Variants in ARHGAP11A observed in about 807,000 individuals in gnomAD.
ARHGAP11A encodes the protein Rho GTPase activating protein 11A.
A neutral mutation model predicts 60.5 loss-of-function variants in ARHGAP11A; 36 were observed. That is an observed-to-expected ratio of 0.59 (90% CI 0.46 to 0.79). ARHGAP11A has a LOEUF of 0.79. Among genes scored for constraint, ARHGAP11A ranks in the 30% least tolerant of loss-of-function variants. The pLI is 0.00. For missense variants in ARHGAP11A, 1,071 were observed against 1,199.2 expected (o/e 0.89, Z 1.58); for synonymous variants, 362 against 415.5 (o/e 0.87, Z 1.57).
chr15:32,620,354 G>T (rs1470032602), intron 2 of ARHGAP11A, among the ~76,000 whole-genome samples, 176 bp downstream of exon 2: 2 of 152,206 alleles, frequency 1.3e-5, no homozygotes, highest in Non-Finnish European at 2.9e-5. Context: ...GAGCACACTT[G>T]TAGTCCCAGC....
intron 2 of ARHGAP11A, among the ~76,000 whole-genome samples, chr15:32,622,058 C>T (rs376538167): frequency 2.0e-3 from 310 of 152,266 alleles, no homozygotes; most frequent in Non-Finnish European, 3.3e-3. Flanking sequence ...CTTAGGTAAC[C>T]GCTTAACCAT....
Position 32,637,998 on chromosome 15 carries a change from A to T in ARHGAP11A, c.*153A>T. On this transcript the variant is annotated 3_prime_UTR_variant, in exon 12 of 12. Transcript: ENST00000361627. Reference sequence around the variant, plus strand: ...TTTCATTTTTTTCACTGTACAAGCAACTTAGATTTTTATTTGTACAAATTA... The same window carrying T: ...TTTCATTTTTTTCACTGTACAAGCATCTTAGATTTTTATTTGTACAAATTA... The T allele has an allele frequency of 1.5e-6, 1 of 671,418 alleles. No homozygotes were observed. Among genetic ancestry groups the T allele is most frequent in the South Asian group, 2.6e-5 (1 of 39,178 alleles). 41.6% of individuals were successfully genotyped at this position (671,418 alleles called of 1,614,324 possible). A position where few individuals can be genotyped will look rare whatever the true frequency, so the allele number is the denominator to read the frequency against.
Position 32,629,680 on chromosome 15 carries a change from G to A in ARHGAP11A, c.1023G>A (p.Lys341=), listed in dbSNP as rs148299252. 561 of 1,613,702 alleles carry A rather than the reference G, an allele frequency of 3.5e-4. No homozygotes were observed. Among genetic ancestry groups the A allele is most frequent in the Non-Finnish European group, 4.3e-4 (510 of 1,179,800 alleles). Residue 341 remains lysine (K), a synonymous_variant, in exon 8 of 12, where the codon AAG becomes AAA. Coordinates refer to ENST00000361627, the MANE Select transcript of ARHGAP11A (RefSeq NM_014783.6). ...ATTCTTCTCATGGTTTCTCAAGTAAGAAAAGGAAGTCCATCAAGCACAATT... is the reference window on the plus strand; with the variant it reads ...ATTCTTCTCATGGTTTCTCAAGTAAAAAAAGGAAGTCCATCAAGCACAATT... ...PVDSSHGFSS[K]KRKSIKHNFN...
rs1004916093 is a variant in ARHGAP11A at position 32,639,896 on chromosome 15, GGTT to G, written c.*2052_*2054del. ...TGTCTGGACGTGCAGTAACCTCATG[GGTT>G]CTTCTCACTGTCTTATAAATGTAAA... On this transcript the variant is annotated 3_prime_UTR_variant, in exon 12 of 12. Transcript: ENST00000361627. The G allele has an allele frequency of 3.9e-5, 6 of 152,162 alleles. No homozygotes were observed. Among genetic ancestry groups the G allele is most frequent in the African/African-American group, 9.6e-5 (4 of 41,528 alleles). The allele number at this position is 152,162 out of a possible 1,614,324, so 9.4% of individuals were successfully genotyped here.
intron 2 of ARHGAP11A, among the ~76,000 whole-genome samples, chr15:32,621,377 A>G (rs974335673): frequency 6.6e-6 from 1 of 151,642 alleles, no homozygotes; most frequent in South Asian, 2.1e-4. Context: ...TTTAGTAGAG[A>G]TGGGGTTTCA....
At position 32,636,409 on chromosome 15, in the gene ARHGAP11A, G is replaced by T. The variant is rs746595137; in HGVS notation, c.1636G>T (p.Val546Leu). The stretch of plus-strand genomic sequence containing the variant: ...TTCTTCAATGGTGGAAAATCTTGAG[G>T]TAGAAAACTCTTTGGAGCCTGATAT... ...EASSMVENLE[V>L]ENSLEPDIMV... Residue 546 changes from valine (V) to leucine (L), a missense_variant, in exon 12 of 12, where the codon GTA becomes TTA. Transcript: ENST00000361627. 2.0e-5 allele frequency: 33 copies of T among 1,613,940 alleles called. No individual in the cohort carries two copies. The African/African-American group carries it at 3.7e-4, about 18-fold the overall frequency.
rs769446876 is a variant in ARHGAP11A at position 32,635,850 on chromosome 15, G to A, written c.1418G>A (p.Arg473Gln). The change falls in exon 11 of 12, where the codon CGA becomes CAA. Residue 473 changes from arginine to glutamine, a missense_variant. Physicochemically the swap from Arg to Gln is conservative, Grantham distance 43. Around this residue, in one of 4 missense-constraint regions of ARHGAP11A, gnomAD observed 776 missense variants for 760.2 expected, o/e 1.02. Transcript: ENST00000361627. The part of the protein sequence containing the change: ...RLANQQSLKN[R>Q]IESVKTGLLF... ...GCAAATCAACAAAGTTTAAAAAATCGAATTGAATCTGTAAAAACAGGTTTG... is the reference window on the plus strand; with the variant it reads ...GCAAATCAACAAAGTTTAAAAAATCAAATTGAATCTGTAAAAACAGGTTTG... 7 of 1,610,362 alleles carry A rather than the reference G, an allele frequency of 4.3e-6. No individual in the cohort carries two copies. Among genetic ancestry groups the A allele is most frequent in the South Asian group, 2.2e-5 (2 of 90,402 alleles).
chr15:32,626,890 A>C (rs910182788), intron 6 of ARHGAP11A, among the ~76,000 whole-genome samples: 3 of 152,154 alleles, frequency 2.0e-5, no homozygotes, highest in Non-Finnish European at 4.4e-5. Context: ...GGCCCACCCA[A>C]ATGACCTCAT....
Position 32,637,754 on chromosome 15 carries a change from CAGAA to C in ARHGAP11A, c.2985_2988del (p.Arg996GlufsTer25). The C allele has an allele frequency of 6.2e-7, 1 of 1,614,058 alleles. No homozygotes were observed. The highest frequency in any genetic ancestry group is 8.5e-7 in the Non-Finnish European group (1 of 1,179,992). On this transcript the variant is annotated frameshift_variant, in exon 12 of 12. Coordinates refer to ENST00000361627, the MANE Select transcript of ARHGAP11A (RefSeq NM_014783.6). LOFTEE classifies it high-confidence loss of function. Reference sequence around the variant, plus strand: ...AATAACAGGGTCCTTAGGAGACCATCAGAAAGAGGAAGGGCCTGGTACAAAGGTT... The same window carrying C: ...AATAACAGGGTCCTTAGGAGACCATCAGAGGAAGGGCCTGGTACAAAGGTT...
rs2053430701 is a variant in ARHGAP11A, at chr15:32,625,226, A to G, written c.698A>G (p.Asp233Gly). ...GCTGCAGTAGTACAGACTCTTATCG[A>G]TTATGCATCAGATATTGGTAAGATG... is the stretch of plus-strand genomic sequence containing the variant. ...LQAAVVQTLI[D>G]YASDIGRVPD... is the part of the protein sequence containing the mutation. The change falls in exon 5 of 12, where the codon GAT becomes GGT. Residue 233 changes from aspartate to glycine, a missense_variant. Physicochemically the swap from Asp to Gly is moderately conservative, Grantham distance 94. Coordinates refer to ENST00000361627, the MANE Select transcript of ARHGAP11A (RefSeq NM_014783.6). 1.2e-5 allele frequency: 19 copies of G among 1,609,666 alleles called. No homozygotes were observed. The highest frequency in any genetic ancestry group is 1.6e-5 in the Non-Finnish European group (19 of 1,178,372).
chr15:32,637,079 G>T lies in ARHGAP11A; in HGVS notation c.2306G>T (p.Cys769Phe). The change falls in exon 12 of 12, where the codon TGT becomes TTT. Residue 769 changes from cysteine to phenylalanine, a missense_variant. By Grantham distance (205) the Cys-to-Phe change is radical. Coordinates refer to ENST00000361627, the MANE Select transcript of ARHGAP11A (RefSeq NM_014783.6). ...TCCTCTTTCTCACAGCAGAGTACATGTGTTGTAACAAACTTGTCAAAACCT... is the reference window on the plus strand; with the variant it reads ...TCCTCTTTCTCACAGCAGAGTACATTTGTTGTAACAAACTTGTCAAAACCT... ...ARSSFSQQST[C>F]VVTNLSKPRP... The T allele has an allele frequency of 3.1e-6, 5 of 1,613,998 alleles. No homozygotes were observed. The highest frequency in any genetic ancestry group is 3.4e-6 in the Non-Finnish European group (4 of 1,180,032).
intron 6 of ARHGAP11A, among the ~76,000 whole-genome samples, chr15:32,627,503 G>A (rs1442373771): frequency 2.0e-5 from 3 of 152,008 alleles, no homozygotes; most frequent in Non-Finnish European, 4.4e-5. Flanking sequence ...GCCAAGGTGG[G>A]CGGATCATGA....
At chr15:32,633,296 C>T (rs2140471440) in intron 9 of ARHGAP11A, among the ~76,000 whole-genome samples, 188 bp downstream of exon 9, 1 of 152,252 alleles carries the variant, frequency 6.6e-6, no homozygotes, top group East Asian at 1.9e-4. Context: ...TAATTTGAGT[C>T]CGCTTTGCTT....
At chr15:32,618,038 T>C (rs1278308501) in intron 1 of ARHGAP11A, among the ~76,000 whole-genome samples, 1 of 152,224 alleles carries the variant, frequency 6.6e-6, no homozygotes, top group Non-Finnish European at 1.5e-5. Context: ...ATCATTGGTC[T>C]GCCTCCTAAT....
chr15:32,635,230 TC>T (rs1386670856), intron 10 of ARHGAP11A, among the ~76,000 whole-genome samples: 1 of 152,200 alleles, frequency 6.6e-6, no homozygotes, highest in Admixed American at 6.5e-5. Flanking sequence ...CCCCCTTAAA[TC>T]TTCATGGCTC....
At position 32,620,261 on chromosome 15, in the gene ARHGAP11A, A is replaced by T. The variant is rs927875446; in HGVS notation, c.200+83A>T. 3.7e-6 allele frequency: 6 copies of T among 1,609,264 alleles called. No homozygotes were observed. In the Admixed American group the frequency reaches 5.1e-5, roughly 14 times the overall value. ...GCATTTTGAGAGGCCGAGGTGGGCA[A>T]ATCACTTGAGTCCAGGAGCTTAAGA... On this transcript the variant is annotated intron_variant, in intron 2 of 11. Transcript: ENST00000361627.
At position 32,616,200 on chromosome 15, in the gene ARHGAP11A, G is replaced by C. The variant is rs986475136; in HGVS notation, c.-12G>C. ...CTGCATCCTGCCTCAGAGAGTTATC[G>C]ACGTATCCGGAATGTGGGATCAGAG... On this transcript the variant is annotated 5_prime_UTR_variant, in exon 1 of 12. Transcript: ENST00000361627. The C allele has an allele frequency of 1.9e-6, 3 of 1,614,040 alleles. No homozygotes were observed. The East Asian group carries it at 6.7e-5, about 36-fold the overall frequency.
rs1245238040 is a variant in ARHGAP11A at position 32,637,603 on chromosome 15, TCTACTACAGTTTATAAACAGA to T, written c.2831_2851del (p.Ser944_Lys951delinsTer). ...AGATTCAGTGAATGCTTCTCTTAGGTCTACTACAGTTTATAAACAGAAGATCTTATCTGATGGCCAAGTTAA... is the reference window on the plus strand; with the variant it reads ...AGATTCAGTGAATGCTTCTCTTAGGTAGATCTTATCTGATGGCCAAGTTAA... On this transcript the variant is annotated stop_gained and inframe_deletion, in exon 12 of 12. Coordinates refer to ENST00000361627, the MANE Select transcript of ARHGAP11A (RefSeq NM_014783.6). LOFTEE classifies it high-confidence loss of function. 1 of 1,614,058 alleles carries T rather than the reference TCTACTACAGTTTATAAACAGA, an allele frequency of 6.2e-7. No homozygotes were observed. Among genetic ancestry groups the T allele is most frequent in the Non-Finnish European group, 8.5e-7 (1 of 1,180,036 alleles).
chr15:32,618,575 G>C (rs915889786), intron 1 of ARHGAP11A, among the ~76,000 whole-genome samples: 1 of 152,144 alleles, frequency 6.6e-6, no homozygotes. Flanking sequence ...TCTGTGTGAG[G>C]ATACCGAGGA....
Sources: gnomAD v4.1 joint callset for allele counts (sites outside exome capture counted in the v4.1 genomes callset) on GRCh38, gnomAD v4.1.1 for gene constraint, gnomAD v4.1.1 regional missense constraint, MANE v1.5 for transcripts, NCBI Gene and HGNC (gene_info 2026-07-23, HGNC 2026-07-21) for gene names.